The following FHOD3 variants were observed in gnomAD, a reference collection of about 807,000 sequenced individuals.
FHOD3 encodes the protein FH1/FH2 domain-containing protein 3.
In FHOD3, 90 loss-of-function variants were observed where a neutral mutation model predicts 173.0. The ratio of observed to expected loss-of-function variants is 0.52; its 90% CI spans 0.44 to 0.62. FHOD3 has a LOEUF of 0.62. Among genes scored for constraint, FHOD3 ranks in the 20% least tolerant of loss-of-function variants. The probability of loss-of-function intolerance (pLI) is 0.00; values close to 1 mark genes in which losing one functional copy is unlikely to be tolerated. For synonymous variants in FHOD3, 828 were observed against 823.0 expected (o/e 1.01, Z -0.10); for missense variants, 1,945 against 2,034.7 (o/e 0.96, Z 0.85).
intron 5 of FHOD3, among the ~76,000 whole-genome samples, chr18:36,551,050 G>A (rs904867068): frequency 6.6e-6 from 1 of 152,154 alleles, no homozygotes; most frequent in African/African-American, 2.4e-5. Context: ...ATCTGCAGGG[G>A]TTTTTGAGAT....
At chr18:36,502,056 C>T in intron 4 of FHOD3, 57 bp downstream of exon 4, 1 of 1,170,062 alleles carries the variant, frequency 8.5e-7, no homozygotes. Context: ...AAATTAGATA[C>T]AGGCAAGCTT....
intron 23 of FHOD3, among the ~76,000 whole-genome samples, chr18:36,744,785 C>A (rs1022389856): frequency 1.3e-5 from 2 of 152,218 alleles, no homozygotes; most frequent in Non-Finnish European, 2.9e-5. Flanking sequence ...AAGAGACAGT[C>A]ACAGTATGTG....
At chr18:36,300,607 G>A (rs2091935060) in intron 1 of FHOD3, among the ~76,000 whole-genome samples, 1 of 152,226 alleles carries the variant, frequency 6.6e-6, no homozygotes, top group Non-Finnish European at 1.5e-5. Flanking sequence ...TTGACAAGAA[G>A]TGGAGTTCTG....
At chr18:36,755,440 A>G (rs1284946699) in intron 25 of FHOD3, 129 bp downstream of exon 25, 2 of 662,080 alleles carry the variant, frequency 3.0e-6, no homozygotes, top group Non-Finnish European at 2.1e-6. Context: ...ATAAAAAATT[A>G]TCTCTTTTAA....
intron 14 of FHOD3, among the ~76,000 whole-genome samples, chr18:36,660,803 A>G (rs570424732): frequency 9.9e-4 from 150 of 152,220 alleles, no homozygotes; most frequent in Non-Finnish European, 1.9e-3. Context: ...TAAATCCCTC[A>G]GAGAGCCTGG....
chr18:36,437,615 C>T (rs2050878150), intron 3 of FHOD3, among the ~76,000 whole-genome samples: 1 of 150,920 alleles, frequency 6.6e-6, no homozygotes, highest in East Asian at 1.9e-4. Context: ...AAATGTCCTT[C>T]CACACTAGTA....
In FHOD3 at chr18:36,312,623, A is replaced by C. The variant is rs576575205; in HGVS notation, c.165+14623A>C. Among the ~76,000 whole-genome samples, 14 of 152,270 alleles carry C rather than the reference A, an allele frequency of 9.2e-5. No individual in the cohort carries two copies. In the South Asian group the frequency reaches 2.9e-3, roughly 32 times the overall value. On this transcript the variant is annotated intron_variant, in intron 1 of 28. Transcript: ENST00000590592. ...GCTCTGTCAGAATCACGTTCTGTTG[A>C]TTATCCTGCCTCTTGGAGTCTACCT...
intron 11 of FHOD3, among the ~76,000 whole-genome samples, 198 bp from the exon 12 acceptor site, chr18:36,652,372 C>T (rs1201647601): frequency 6.6e-6 from 1 of 152,260 alleles, no homozygotes; most frequent in Non-Finnish European, 1.5e-5. Flanking sequence ...ACAAACTCAG[C>T]ATGTCAGGAT....
chr18:36,718,067 CAGG>C lies in FHOD3; in HGVS notation c.2773_2775del (p.Arg925del). 1 of 1,599,076 alleles carries C rather than the reference CAGG, an allele frequency of 6.3e-7. No homozygotes were observed. Among genetic ancestry groups the C allele is most frequent in the Non-Finnish European group, 8.5e-7 (1 of 1,171,860 alleles). On this transcript the variant is annotated inframe_deletion, in exon 19 of 29. Transcript: ENST00000590592. ...ACTCTCAGACCCAGGATGAGAGTGT[CAGG>C]AGGGTGGATGTCGGCTGTTTGGACA...
chr18:36,436,680 A>G (rs548446486), intron 3 of FHOD3, among the ~76,000 whole-genome samples: 21 of 152,338 alleles, frequency 1.4e-4, no homozygotes, highest in African/African-American at 4.8e-4. Context: ...AAAATGATCT[A>G]TGTTTAGGAA....
At chr18:36,311,844 C>T (rs926488022) in intron 1 of FHOD3, among the ~76,000 whole-genome samples, 3 of 152,224 alleles carry the variant, frequency 2.0e-5, no homozygotes, top group African/African-American at 7.2e-5. Context: ...GACAGGTGCG[C>T]CCCTTCTTCT....
intron 6 of FHOD3, 152 bp from the exon 7 acceptor site, chr18:36,594,635 A>T: frequency 1.7e-6 from 1 of 602,580 alleles, no homozygotes; most frequent in South Asian, 2.0e-5. Flanking sequence ...GAGGTGTCTA[A>T]TGAGGGATTG....
intron 10 of FHOD3, among the ~76,000 whole-genome samples, chr18:36,633,099 G>T (rs1431974449): frequency 6.6e-6 from 1 of 152,222 alleles, no homozygotes; most frequent in Non-Finnish European, 1.5e-5. Flanking sequence ...GGCTGCGTGT[G>T]CACTGTGTTT....
chr18:36,692,175 A>G (rs950895963), intron 16 of FHOD3, among the ~76,000 whole-genome samples: 5 of 152,222 alleles, frequency 3.3e-5, no homozygotes, highest in Admixed American at 6.5e-5. Flanking sequence ...GATGCAAAAA[A>G]TGCATGCTTT....
chr18:36,514,800 T>C (rs2055871773), intron 5 of FHOD3, among the ~76,000 whole-genome samples: 1 of 152,188 alleles, frequency 6.6e-6, no homozygotes, highest in Non-Finnish European at 1.5e-5. Flanking sequence ...CTCTGCCCGC[T>C]GTGGTCAGAA....
chr18:36,545,202 G>A (rs973409331), intron 5 of FHOD3, among the ~76,000 whole-genome samples: 9 of 152,168 alleles, frequency 5.9e-5, no homozygotes, highest in Non-Finnish European at 1.0e-4. Context: ...CCAGGACTGG[G>A]CATACAGTGG....
At chr18:36,648,971 C>T (rs1379976499) in intron 10 of FHOD3, among the ~76,000 whole-genome samples, 1 of 152,162 alleles carries the variant, frequency 6.6e-6, no homozygotes, top group East Asian at 1.9e-4. Context: ...AGGAGAAAAA[C>T]CACAGAGGAG....
At chr18:36,496,176 C>G (rs1336195375) in intron 3 of FHOD3, among the ~76,000 whole-genome samples, 1 of 152,170 alleles carries the variant, frequency 6.6e-6, no homozygotes, top group African/African-American at 2.4e-5. Flanking sequence ...CCAGAGGACA[C>G]CTCACATGGC....
rs148437588 is a variant in FHOD3 at position 36,388,141 on chromosome 18, C to T, written c.337+15397C>T. On this transcript the variant is annotated intron_variant, in intron 3 of 28. Transcript: ENST00000590592. ...TTGCCTTTTTGGTGTGGTTTTTCTCCAAGGTATTTGCTCATAAATTACTAA... is the reference window on the plus strand; with the variant it reads ...TTGCCTTTTTGGTGTGGTTTTTCTCTAAGGTATTTGCTCATAAATTACTAA... Among the ~76,000 whole-genome samples, 41 of 152,164 alleles carry T rather than the reference C, an allele frequency of 2.7e-4. No homozygotes were observed. The East Asian group carries it at 7.7e-3, about 29-fold the overall frequency.
Sources: gnomAD v4.1 joint callset for allele counts (sites outside exome capture counted in the v4.1 genomes callset) on GRCh38, gnomAD v4.1.1 for gene constraint, MANE v1.5 for transcripts, NCBI Gene and HGNC (gene_info 2026-07-23, HGNC 2026-07-21) for gene names.